Variants in RIPOR3 observed in about 807,000 individuals in gnomAD.
The protein encoded by RIPOR3 is family with sequence similarity 65 member C.
In RIPOR3, 95 loss-of-function variants were observed where a neutral mutation model predicts 114.3. The observed-to-expected ratio is 0.83, with a 90% CI of 0.70 to 0.99. RIPOR3 has a LOEUF of 0.99. RIPOR3 is among the 50% of genes least tolerant of loss of function. The pLI is 0.00. For missense variants in RIPOR3, 1,252 were observed against 1,266.9 expected, an observed-to-expected ratio of 0.99 and a Z score of 0.18; for synonymous variants, 575 against 543.8, an observed-to-expected ratio of 1.06 and a Z score of -0.80.
chr20:50,646,378 C>T (rs1311374953), intron 1 of RIPOR3, among the ~76,000 whole-genome samples: 1 of 152,078 alleles, frequency 6.6e-6, no homozygotes, highest in Non-Finnish European at 1.5e-5. Flanking sequence ...GCGATTCACC[C>T]TCCTGGGCCT....
At chr20:50,604,972 G>T (rs1464039074) in intron 11 of RIPOR3, among the ~76,000 whole-genome samples, 198 bp from the exon 12 acceptor site, 1 of 152,218 alleles carries the variant, frequency 6.6e-6, no homozygotes, top group African/African-American at 2.4e-5. Flanking sequence ...GCCCAGGTTG[G>T]AATGCAGTGG....
chr20:50,623,807 G>A (rs576486169), intron 2 of RIPOR3, among the ~76,000 whole-genome samples: 4 of 152,158 alleles, frequency 2.6e-5, no homozygotes, highest in East Asian at 3.9e-4. Flanking sequence ...GAAATATCTC[G>A]ACTTTCACAA....
chr20:50,625,570 G>C (rs572806274), intron 2 of RIPOR3, among the ~76,000 whole-genome samples: 28 of 152,292 alleles, frequency 1.8e-4, no homozygotes, highest in African/African-American at 5.8e-4. Context: ...AAACTTAATG[G>C]CTGCTATTTC....
chr20:50,652,953 T>C (rs1263307623), intron 1 of RIPOR3, among the ~76,000 whole-genome samples: 1 of 152,194 alleles, frequency 6.6e-6, no homozygotes, highest in Non-Finnish European at 1.5e-5. Context: ...GTTCCACTCC[T>C]AAGTATACAT....
At chr20:50,605,655 G>A (rs1219810996) in intron 11 of RIPOR3, among the ~76,000 whole-genome samples, 1 of 151,932 alleles carries the variant, frequency 6.6e-6, no homozygotes, top group Non-Finnish European at 1.5e-5. Flanking sequence ...ACAGACACTT[G>A]TAGTCCCAGC....
chr20:50,609,641 A>T lies in RIPOR3; in HGVS notation c.508T>A (p.Cys170Ser). The change falls in exon 7 of 22, where the codon TGC becomes AGC. Residue 170 changes from cysteine (C) to serine (S), a missense_variant. Coordinates refer to ENST00000327979, the MANE Select transcript of RIPOR3 (RefSeq NM_001290268.2). ...ASSMQRAFAR[C>S]PPSRAARESL... is the part of the protein sequence containing the mutation. ...TCTCGGGCTGCGCGGCTCGGGGGGC[A>T]CCGGGCGAAGGCCCGCTGCATGCTG... 7.1e-7 allele frequency: 1 copy of T among 1,399,954 alleles called. No homozygotes were observed. The allele number at this position is 1,399,954 out of a possible 1,614,324, so 86.7% of individuals were successfully genotyped here. A position where few individuals can be genotyped will look rare whatever the true frequency, so the allele number is the denominator to read the frequency against.
chr20:50,642,364 GT>G, intron 1 of RIPOR3, among the ~76,000 whole-genome samples: 2 of 150,954 alleles, frequency 1.3e-5, no homozygotes. Flanking sequence ...GTGTGTGTGT[GT>G]GTGTGTGTGT....
chr20:50,681,350 G>A (rs1259211792), intron 1 of RIPOR3, among the ~76,000 whole-genome samples: 3 of 151,322 alleles, frequency 2.0e-5, no homozygotes, highest in South Asian at 2.1e-4. Flanking sequence ...GTTCAAAGAC[G>A]TGATGTAACT....
At chr20:50,642,866 T>C (rs1205843924) in intron 1 of RIPOR3, among the ~76,000 whole-genome samples, 1 of 151,958 alleles carries the variant, frequency 6.6e-6, no homozygotes, top group Non-Finnish European at 1.5e-5. Flanking sequence ...CTGACCAACA[T>C]GGAGAAACCC....
chr20:50,688,299 C>T (rs914552869), intron 1 of RIPOR3, among the ~76,000 whole-genome samples: 2 of 152,012 alleles, frequency 1.3e-5, no homozygotes, highest in African/African-American at 4.8e-5. Flanking sequence ...TACAGGCACG[C>T]ACCACCACAC....
chr20:50,607,201 A>T (rs1361746128), intron 11 of RIPOR3, among the ~76,000 whole-genome samples: 1 of 152,168 alleles, frequency 6.6e-6, no homozygotes, highest in African/African-American at 2.4e-5. Flanking sequence ...CCCCTTTGAG[A>T]AGCTCAGCCG....
chr20:50,685,552 G>A (rs1253287631), intron 1 of RIPOR3, among the ~76,000 whole-genome samples: 4 of 151,486 alleles, frequency 2.6e-5, no homozygotes, highest in African/African-American at 7.3e-5. Context: ...GGCTGGGCAC[G>A]GTGGCCCACA....
In RIPOR3 at chr20:50,609,283, GC is replaced by G. The variant is rs977925933; in HGVS notation, c.640+9del. 3.1e-6 allele frequency: 5 copies of G among 1,613,544 alleles called. No individual in the cohort carries two copies. Among genetic ancestry groups the G allele is most frequent in the Non-Finnish European group, 4.2e-6 (5 of 1,179,702 alleles). On this transcript the variant is annotated intron_variant, in intron 8 of 21. Coordinates refer to ENST00000327979, the MANE Select transcript of RIPOR3 (RefSeq NM_001290268.2). ...AAAGGCCTCCGCCCACCCCCTCTCA[GC>G]CCTGTTACCTTTCATCCTGATGTGG...
intron 13 of RIPOR3, among the ~76,000 whole-genome samples, chr20:50,600,656 A>C (rs1193781218): frequency 1.3e-5 from 2 of 152,134 alleles, no homozygotes; most frequent in East Asian, 3.9e-4. Flanking sequence ...ACTAGTCAGG[A>C]GGCTGAGGGG....
chr20:50,587,246 T>G lies in RIPOR3; in HGVS notation c.2839A>C (p.Ile947Leu). ...EVFCQEADVEITIF is the reference protein window; with the variant it reads ...EVFCQEADVELTIF ...GCCAGGATTTTTTAAAATATTGTGA[T>G]TTCAACATCTGCCTCCTGGCAAAAG... Residue 947 changes from isoleucine (I) to leucine (L), a missense_variant, in exon 22 of 22, where the codon ATC becomes CTC. Physicochemically the swap from Ile to Leu is conservative, Grantham distance 5. Coordinates refer to ENST00000327979, the MANE Select transcript of RIPOR3 (RefSeq NM_001290268.2). The G allele has an allele frequency of 6.2e-7, 1 of 1,614,058 alleles. No individual in the cohort carries two copies. The highest frequency in any genetic ancestry group is 8.5e-7 in the Non-Finnish European group (1 of 1,179,874).
At chr20:50,613,928 CAT>C (rs1237068639) in intron 4 of RIPOR3, among the ~76,000 whole-genome samples, 1 of 152,202 alleles carries the variant, frequency 6.6e-6, no homozygotes, top group Non-Finnish European at 1.5e-5. Flanking sequence ...CTGGCACACA[CAT>C]GAGGCTGGGT....
At chr20:50,656,508 T>C (rs2085818313) in intron 1 of RIPOR3, among the ~76,000 whole-genome samples, 1 of 152,158 alleles carries the variant, frequency 6.6e-6, no homozygotes, top group Non-Finnish European at 1.5e-5. Context: ...TAAAACAGTA[T>C]AGCGTATACA....
intron 11 of RIPOR3, among the ~76,000 whole-genome samples, chr20:50,605,054 C>G (rs935596211): frequency 6.6e-6 from 1 of 152,210 alleles, no homozygotes; most frequent in African/African-American, 2.4e-5. Context: ...TCCTGTGTAG[C>G]TATGACCACA....
chr20:50,623,165 G>A (rs986362203), intron 2 of RIPOR3, among the ~76,000 whole-genome samples: 37 of 151,476 alleles, frequency 2.4e-4, no homozygotes, highest in African/African-American at 8.7e-4. Context: ...GGAGGCTGAG[G>A]CAGGAGAATC....
Sources: gnomAD v4.1 joint callset for allele counts (sites outside exome capture counted in the v4.1 genomes callset) on GRCh38, gnomAD v4.1.1 for gene constraint, MANE v1.5 for transcripts, NCBI Gene and HGNC (gene_info 2026-07-23, HGNC 2026-07-21) for gene names.